MYL4: variants seen among roughly 807,000 people sequenced by gnomAD.
MYL4 encodes atrial myosin light chain 1.
MYL4 carries 16 observed loss-of-function variants against 21.6 expected under a neutral mutation model. That is an observed-to-expected ratio of 0.74 (90% CI 0.50 to 1.12). MYL4 has a LOEUF of 1.12. Among genes scored for constraint, MYL4 ranks in the 50% most tolerant of loss-of-function variants. The pLI is 0.00. For synonymous variants in MYL4, 82 were observed against 95.7 expected (o/e 0.86, Z 0.83); for missense variants, 249 against 252.9 (o/e 0.98, Z 0.11).
At chr17:47,217,260 C>A (rs1242984844) in intron 2 of MYL4, among the ~76,000 whole-genome samples, 1 of 151,898 alleles carries the variant, frequency 6.6e-6, no homozygotes, top group Non-Finnish European at 1.5e-5. Flanking sequence ...AGTTGGAGAC[C>A]AGCCTGGCCA....
chr17:47,225,320 A>T (rs16941684), downstream of MYL4, among the ~76,000 whole-genome samples: 32,634 of 152,176 alleles, frequency 0.21, 3,571 homozygotes, highest in African/African-American at 0.26. Context: ...ACTGGTTGAA[A>T]CACAAAACCA....
upstream of MYL4, among the ~76,000 whole-genome samples, chr17:47,196,356 A>G (rs542029257): frequency 3.3e-5 from 5 of 152,344 alleles, no homozygotes; most frequent in South Asian, 1.0e-3. Context: ...GAACCATGAG[A>G]AAATAAATCT....
chr17:47,202,970 T>A (rs1418796902), intron 1 of MYL4, among the ~76,000 whole-genome samples: 1 of 152,114 alleles, frequency 6.6e-6, no homozygotes, highest in African/African-American at 2.4e-5. Context: ...TATTTACTTA[T>A]AGACAGAGTC....
chr17:47,226,658 C>T (rs2064886767), downstream of MYL4, among the ~76,000 whole-genome samples: 1 of 152,212 alleles, frequency 6.6e-6, no homozygotes. Flanking sequence ...CATGGAAGTG[C>T]GTTTCTTCCT....
At chr17:47,222,819 G>C (rs1418972322) in intron 5 of MYL4, among the ~76,000 whole-genome samples, 195 bp from the exon 6 acceptor site, 1 of 152,030 alleles carries the variant, frequency 6.6e-6, no homozygotes, top group Non-Finnish European at 1.5e-5. Context: ...ATAGAGAGTG[G>C]GCACAGAGCA....
At chr17:47,223,736 G>GTT (rs2064874630), downstream of MYL4, 1 of 148,684 alleles carries the variant, frequency 6.7e-6, no homozygotes, top group Non-Finnish European at 1.5e-5. Flanking sequence ...ATTGGTTTGC[G>GTT]TTGTGTGTGT....
At chr17:47,215,467 G>A (rs1023831769) in intron 2 of MYL4, among the ~76,000 whole-genome samples, 2 of 152,056 alleles carry the variant, frequency 1.3e-5, no homozygotes, top group African/African-American at 2.4e-5. Flanking sequence ...TTACCCCAGC[G>A]ATCTTTTCAT....
chr17:47,220,136 A>G (rs1057487065), intron 3 of MYL4, 83 bp downstream of exon 3: 2 of 1,453,424 alleles, frequency 1.4e-6, no homozygotes, highest in African/African-American at 2.8e-5. Context: ...CTTCTCTGCC[A>G]TCTGCACTCT....
the MYL4 span, chr17:47,189,559 C>T: frequency 1.3e-4 from 41 of 326,412 alleles, no homozygotes; most frequent in African/African-American, 8.0e-4. Context: ...AATCTGCAAC[C>T]AGCAGGCTGG....
chr17:47,199,259 T>C (rs2064700772), upstream of MYL4, among the ~76,000 whole-genome samples: 1 of 145,324 alleles, frequency 6.9e-6, no homozygotes. Flanking sequence ...AAAAAAATTA[T>C]ACCACTGTAT....
upstream of MYL4, among the ~76,000 whole-genome samples, chr17:47,196,112 T>C (rs902010725): frequency 2.0e-5 from 3 of 152,248 alleles, no homozygotes; most frequent in African/African-American, 7.2e-5. Context: ...TGGCTGTATT[T>C]GGACATGGGG....
the MYL4 span, among the ~76,000 whole-genome samples, chr17:47,193,837 C>G: frequency 2.0e-5 from 3 of 152,080 alleles, no homozygotes; most frequent in African/African-American, 7.2e-5. Flanking sequence ...CCCGCTGCAA[C>G]CTCCACCTCC....
In MYL4 at chr17:47,211,319, G is replaced by A. The variant is rs544195422; in HGVS notation, c.135+1762G>A. Reference sequence around the variant, plus strand: ...TCCCAGCCCTTTGGGAGGCTGAGGCGGGAGGGTAATTTGAGGCCAGGCATT... The same window carrying A: ...TCCCAGCCCTTTGGGAGGCTGAGGCAGGAGGGTAATTTGAGGCCAGGCATT... On this transcript the variant is annotated intron_variant, in intron 1 of 6. Transcript: ENST00000393450. Among the ~76,000 whole-genome samples, 37 of 152,162 alleles carry A rather than the reference G, an allele frequency of 2.4e-4. No homozygotes were observed. In the East Asian group the frequency reaches 6.6e-3, roughly 27 times the overall value.
chr17:47,208,141 G>T (rs546355873), upstream of MYL4, among the ~76,000 whole-genome samples: 1 of 152,184 alleles, frequency 6.6e-6, no homozygotes, highest in African/African-American at 2.4e-5. Context: ...CTGGCCTGGC[G>T]TGGCGGCTTA....
At chr17:47,218,171 G>A (rs1352306733) in intron 2 of MYL4, among the ~76,000 whole-genome samples, 1 of 152,078 alleles carries the variant, frequency 6.6e-6, no homozygotes, top group African/African-American at 2.4e-5. Flanking sequence ...ATTTGAACTC[G>A]ATTATTCAGT....
intron 1 of MYL4, among the ~76,000 whole-genome samples, chr17:47,213,587 G>A (rs1054602120): frequency 6.6e-6 from 1 of 152,088 alleles, no homozygotes; most frequent in East Asian, 1.9e-4. Flanking sequence ...TGGGGAGGAG[G>A]GCCGACGGTA....
intron 1 of MYL4, among the ~76,000 whole-genome samples, chr17:47,201,920 A>T (rs916257874): frequency 6.6e-6 from 1 of 152,178 alleles, no homozygotes; most frequent in African/African-American, 2.4e-5. Context: ...TTTTAATAAT[A>T]TTTAGCTCAA....
At chr17:47,206,006 A>G (rs1291046572), upstream of MYL4, among the ~76,000 whole-genome samples, 2 of 152,192 alleles carry the variant, frequency 1.3e-5, no homozygotes, top group Non-Finnish European at 1.5e-5. Flanking sequence ...GGCAAAGGAA[A>G]GTGAAATGAA....
At chr17:47,225,082 C>T (rs1156657934), downstream of MYL4, among the ~76,000 whole-genome samples, 1 of 152,212 alleles carries the variant, frequency 6.6e-6, no homozygotes, top group Non-Finnish European at 1.5e-5. Flanking sequence ...ATAAATCCTT[C>T]CCATGGCCTT....
Sources: allele counts gnomAD v4.1 joint callset (sites outside exome capture counted in the v4.1 genomes callset), GRCh38; gene constraint gnomAD v4.1.1; transcripts MANE v1.5; gene names NCBI Gene and HGNC (gene_info 2026-07-23, HGNC 2026-07-21).